GPS1: variants seen among roughly 807,000 people sequenced by gnomAD.
The protein encoded by GPS1 is COP9 signalosome complex subunit 1.
Under a neutral mutation model 60.0 loss-of-function variants are expected in GPS1, and 11 were observed. That is an observed-to-expected ratio of 0.18 (90% confidence interval 0.12 to 0.30). GPS1 has a LOEUF of 0.30. GPS1 is among the 10% of genes least tolerant of loss of function. The pLI, the probability that GPS1 is intolerant of heterozygous loss-of-function variation, is 1.00. For synonymous variants in GPS1, 343 were observed against 269.8 expected, an observed-to-expected ratio of 1.27 and a Z score of -2.66; for missense variants, 543 against 669.2, an observed-to-expected ratio of 0.81 and a Z score of 2.08.
upstream of GPS1, chr17:82,051,456 C>T: frequency 7.5e-7 from 1 of 1,327,982 alleles, no homozygotes; most frequent in Non-Finnish European, 9.6e-7. The surrounding 1 kb of genome is among the most constrained non-coding windows in gnomAD (Gnocchi z 4.1). Flanking sequence ...GGAGGCGGGG[C>T]GGGTGGGCGT....
rs116576417 is a variant in GPS1 at position 82,053,832 on chromosome 17, C to A, written c.127-36C>A. The A allele has an allele frequency of 7.7e-4, 1,215 of 1,581,316 alleles. 8 individuals are homozygous for A. The African/African-American group carries it at 0.015, about 19-fold the overall frequency. On this transcript the variant is annotated intron_variant, in intron 2 of 12. Coordinates refer to ENST00000578552, the MANE Select transcript of GPS1 (RefSeq NM_001321092.3). ...GGGCCTGGGGCCAGGGTCCTGCCTC[C>A]CATCCTGCCTGACTCTTGTCTGTGC...
chr17:82,053,813 G>T, intron 2 of GPS1, 55 bp from the exon 3 acceptor site: 1 of 1,540,090 alleles, frequency 6.5e-7, no homozygotes. Flanking sequence ...CTCAGGGCCT[G>T]GGGCCAGGGT....
upstream of GPS1, chr17:82,051,012 C>T (rs2030463140): frequency 7.1e-7 from 1 of 1,409,042 alleles, no homozygotes; most frequent in Admixed American, 3.1e-5. This position sits in a 1 kb window ranked among gnomAD's most constrained non-coding sequence, Gnocchi z 4.1. Flanking sequence ...TCGCCCTGAC[C>T]TGGCCTGGAA....
In GPS1 at chr17:82,056,760, C is replaced by T; in HGVS notation, c.1248C>T (p.His416=). ...EGLISARVDS[H]SKILYARDVD... is the part of the protein sequence containing the mutation. ...TGATCAGTGCCCGTGTGGACTCACA[C>T]AGCAAGGTGGCTGTGGGCTGCGGGG... Residue 416 remains histidine (H), a synonymous_variant, in exon 11 of 13, where the codon CAC becomes CAT. Transcript: ENST00000578552. The T allele has an allele frequency of 6.3e-7, 1 of 1,593,478 alleles. No homozygotes were observed. Among genetic ancestry groups the T allele is most frequent in the Non-Finnish European group, 8.6e-7 (1 of 1,169,192 alleles).
intron 2 of GPS1, 164 bp downstream of exon 2, chr17:82,053,530 A>G (rs1023015590): frequency 1.1e-5 from 6 of 546,206 alleles, no homozygotes; most frequent in Non-Finnish European, 1.9e-5. Flanking sequence ...GCGCACTCAC[A>G]TGAGGCTTGT....
chr17:82,052,066 G>A, intron 1 of GPS1, 102 bp downstream of exon 1: 1 of 945,254 alleles, frequency 1.1e-6, no homozygotes, highest in Non-Finnish European at 1.3e-6. Flanking sequence ...CCAGGAGTCG[G>A]TCGGGCACGC....
chr17:82,052,061 AGTCG>A, intron 1 of GPS1, 97 bp downstream of exon 1: 1 of 972,240 alleles, frequency 1.0e-6, no homozygotes, highest in Non-Finnish European at 1.3e-6. Context: ...CTGCGCCAGG[AGTCG>A]GTCGGGCACG....
upstream of GPS1, chr17:82,051,433 G>C: frequency 7.3e-7 from 1 of 1,364,596 alleles, no homozygotes; most frequent in Non-Finnish European, 9.5e-7. The surrounding 1 kb of genome is among the most constrained non-coding windows in gnomAD (Gnocchi z 4.1). Flanking sequence ...GCCTGGGCCG[G>C]GCCTAGACCC....
chr17:82,051,088 T>A (rs1046289141), upstream of GPS1: 1 of 1,366,812 alleles, frequency 7.3e-7, no homozygotes, highest in East Asian at 2.8e-5. This position sits in a 1 kb window ranked among gnomAD's most constrained non-coding sequence, Gnocchi z 4.1. Context: ...GGGAAGCGGC[T>A]AGTGTGAGAG....
chr17:82,056,167 T>C (rs1436988290), intron 8 of GPS1, 72 bp downstream of exon 8: 7 of 1,420,320 alleles, frequency 4.9e-6, no homozygotes, highest in African/African-American at 1.4e-5. Context: ...CGGCCTTGCA[T>C]GTCCTGGCCC....
At position 82,054,682 on chromosome 17, in the gene GPS1, C is replaced by A. The variant is rs1466204732; in HGVS notation, c.481C>A (p.His161Asn). The A allele has an allele frequency of 6.2e-7, 1 of 1,611,816 alleles. No homozygotes were observed. Among genetic ancestry groups the A allele is most frequent in the East Asian group, 2.2e-5 (1 of 44,870 alleles). The part of the protein sequence containing the change: ...NSIKESIRRG[H>N]DDLGDHYLDC... Reference sequence around the variant, plus strand: ...CATCAAAGAGAGCATCCGGCGCGGCCACGACGACCTGGGCGACCACTACCT... The same window carrying A: ...CATCAAAGAGAGCATCCGGCGCGGCAACGACGACCTGGGCGACCACTACCT... The change falls in exon 4 of 13, where the codon CAC becomes AAC. Residue 161 changes from histidine to asparagine, a missense_variant. Transcript: ENST00000578552.
intron 1 of GPS1, chr17:82,052,281 C>CG: frequency 1.2e-6 from 2 of 1,612,330 alleles, no homozygotes; most frequent in Non-Finnish European, 8.5e-7. Flanking sequence ...GTGTCAGGGT[C>CG]GGGGGGTGCA....
At chr17:82,054,216 T>C in intron 3 of GPS1, 167 bp downstream of exon 3, 1 of 786,306 alleles carries the variant, frequency 1.3e-6, no homozygotes, top group Non-Finnish European at 2.0e-6. Context: ...CCTGTGTGTG[T>C]GTGGCTTCTG....
chr17:82,056,392 G>C lies in GPS1; in HGVS notation c.1035+1G>C. 6.2e-7 allele frequency: 1 copy of C among 1,611,104 alleles called. No individual in the cohort carries two copies. Among genetic ancestry groups the C allele is most frequent in the Non-Finnish European group, 8.5e-7 (1 of 1,179,078 alleles). On this transcript the variant is annotated splice_donor_variant, in intron 9 of 12. Coordinates refer to ENST00000578552, the MANE Select transcript of GPS1 (RefSeq NM_001321092.3). LOFTEE classifies it high-confidence loss of function. ...TCTCAAGATGCTGGACGAGATGAAG[G>C]TGGGCCCCGCCTGGGGTAGGGGTGA...
chr17:82,055,287 G>A, intron 6 of GPS1, 65 bp downstream of exon 6: 1 of 1,474,664 alleles, frequency 6.8e-7, no homozygotes, highest in Non-Finnish European at 9.3e-7. Context: ...CCCAGCCCAG[G>A]GCAGTAGGCT....
upstream of GPS1, chr17:82,051,848 C>A (rs995765968): frequency 7.0e-6 from 8 of 1,137,534 alleles, no homozygotes; most frequent in African/African-American, 1.7e-5. The surrounding 1 kb of genome is among the most constrained non-coding windows in gnomAD (Gnocchi z 4.1). Flanking sequence ...AAGAACGCAG[C>A]GGCCCCGCCC....
At chr17:82,055,546 C>T in intron 6 of GPS1, 194 bp from the exon 7 acceptor site, 1 of 609,270 alleles carries the variant, frequency 1.6e-6, no homozygotes, top group Non-Finnish European at 2.9e-6. Flanking sequence ...GGAGCCTCCT[C>T]AGCATTGGTG....
At position 82,057,220 on chromosome 17, in the gene GPS1, C is replaced by A; in HGVS notation, c.*93C>A. The A allele has an allele frequency of 6.6e-7, 1 of 1,507,510 alleles. No individual in the cohort carries two copies. Among genetic ancestry groups the A allele is most frequent in the South Asian group, 1.1e-5 (1 of 87,188 alleles). 93.4% of individuals were successfully genotyped at this position (1,507,510 alleles called of 1,614,324 possible). The stretch of plus-strand genomic sequence containing the variant: ...CGGCTCAGTGCTGCCTGCGGCCCAG[C>A]TAAGGGGCCTGGCCACTGGGTGCCA... On this transcript the variant is annotated 3_prime_UTR_variant, in exon 13 of 13. Coordinates refer to ENST00000578552, the MANE Select transcript of GPS1 (RefSeq NM_001321092.3).
At chr17:82,051,619 G>C (rs1217495836), upstream of GPS1, 11 of 1,211,314 alleles carry the variant, frequency 9.1e-6, no homozygotes, top group African/African-American at 1.4e-4. The surrounding 1 kb of genome is among the most constrained non-coding windows in gnomAD (Gnocchi z 4.1). Context: ...GGGGCAGCGG[G>C]CCGGGACGGG....
Sources: gnomAD v4.1 joint callset for allele counts on GRCh38, gnomAD v4.1.1 for gene constraint, Gnocchi (gnomAD v3.1) non-coding constraint, MANE v1.5 for transcripts, NCBI Gene and HGNC (gene_info 2026-07-23, HGNC 2026-07-21) for gene names.